The following GBE1 variants were observed in gnomAD, a reference collection of about 807,000 sequenced individuals.
GBE1 encodes the protein 1,4-alpha-glucan-branching enzyme.
A neutral mutation model predicts 88.8 loss-of-function variants in GBE1; 70 were observed. The ratio of observed to expected loss-of-function variants is 0.79; its 90% CI spans 0.65 to 0.96. The LOEUF (loss-of-function observed/expected upper bound fraction) is 0.96, where lower values mean the gene tolerates loss of function less well. Ranked by LOEUF, GBE1 falls within the 40% of genes least tolerant of loss-of-function variation. The pLI, the probability that GBE1 is intolerant of heterozygous loss-of-function variation, is 0.00. For synonymous variants in GBE1, 284 were observed against 300.1 expected (o/e 0.95, Z 0.56); for missense variants, 872 against 871.0 (o/e 1.00, Z -0.01).
intron 3 of GBE1, chr3:81,654,880 A>T (rs933583727): frequency 4.6e-5 from 7 of 152,180 alleles, no homozygotes; most frequent in Non-Finnish European, 8.8e-5. Flanking sequence ...GTACACATAA[A>T]CCCAACATAT....
intron 2 of GBE1, 26 bp from the exon 3 acceptor site, chr3:81,670,979 A>C (rs756948228): frequency 8.6e-7 from 1 of 1,164,412 alleles, no homozygotes; most frequent in Non-Finnish European, 1.2e-6. Context: ...AGATCAGTTA[A>C]CAACAGCATG....
At chr3:81,627,764 TATAAAA>T (rs773517172) in intron 7 of GBE1, among the ~76,000 whole-genome samples, 2 of 144,064 alleles carry the variant, frequency 1.4e-5, no homozygotes, top group African/African-American at 5.2e-5. Flanking sequence ...TATATATATA[TATAAAA>T]AACATATATA....
intron 3 of GBE1, 45 bp from the exon 4 acceptor site, chr3:81,649,966 C>T (rs1181516098): frequency 2.7e-6 from 4 of 1,495,324 alleles, no homozygotes; most frequent in East Asian, 4.6e-5. Context: ...ACATCCAGAA[C>T]TCTGATAATA....
chr3:81,496,109 T>C (rs1281012907), intron 15 of GBE1, among the ~76,000 whole-genome samples: 7 of 152,226 alleles, frequency 4.6e-5, no homozygotes, highest in Non-Finnish European at 8.8e-5. Context: ...GGTTAACATA[T>C]TAAGTTCCGG....
chr3:81,556,398 T>C (rs1703349355), intron 12 of GBE1, among the ~76,000 whole-genome samples: 1 of 152,046 alleles, frequency 6.6e-6, no homozygotes, highest in South Asian at 2.1e-4. Context: ...ACAACAGTTA[T>C]TGGAGTCCCT....
intron 2 of GBE1, among the ~76,000 whole-genome samples, chr3:81,702,548 A>C (rs1705715104): frequency 6.6e-6 from 1 of 151,972 alleles, no homozygotes; most frequent in Non-Finnish European, 1.5e-5. Context: ...TTATCTCTTC[A>C]ATAAAAATAA....
intron 3 of GBE1, among the ~76,000 whole-genome samples, chr3:81,669,838 T>C (rs1042325957): frequency 6.6e-6 from 1 of 152,170 alleles, no homozygotes; most frequent in Non-Finnish European, 1.5e-5. Context: ...CTTACTATTA[T>C]AATGTGTGGC....
At chr3:81,655,663 C>A (rs767940965) in intron 3 of GBE1, among the ~76,000 whole-genome samples, 7 of 152,004 alleles carry the variant, frequency 4.6e-5, no homozygotes, top group South Asian at 2.1e-4. Flanking sequence ...ATTACAGGCA[C>A]CTGCCACCAC....
At chr3:81,579,949 T>C (rs1050678910) in intron 11 of GBE1, among the ~76,000 whole-genome samples, 1 of 152,106 alleles carries the variant, frequency 6.6e-6, no homozygotes, top group Non-Finnish European at 1.5e-5. Flanking sequence ...GTGTTCCAAG[T>C]AACCTTATTT....
chr3:81,542,544 A>C (rs1198790420), intron 12 of GBE1, among the ~76,000 whole-genome samples: 1 of 152,102 alleles, frequency 6.6e-6, no homozygotes, highest in Non-Finnish European at 1.5e-5. Flanking sequence ...TATGTTTAGG[A>C]TTCTACTTTA....
At chr3:81,665,529 C>A (rs1473029443) in intron 3 of GBE1, among the ~76,000 whole-genome samples, 1 of 143,476 alleles carries the variant, frequency 7.0e-6, no homozygotes, top group East Asian at 2.0e-4. Flanking sequence ...CAGCGAGACT[C>A]CGTCTCAAAA....
chr3:81,688,492 G>A (rs897253938), intron 2 of GBE1, among the ~76,000 whole-genome samples: 8 of 152,014 alleles, frequency 5.3e-5, no homozygotes, highest in African/African-American at 1.4e-4. Flanking sequence ...CAACTGAACA[G>A]GTAATAAAGA....
intron 12 of GBE1, among the ~76,000 whole-genome samples, chr3:81,562,985 G>A (rs1428173987): frequency 1.3e-5 from 2 of 151,922 alleles, no homozygotes; most frequent in East Asian, 1.9e-4. Context: ...TCCTATTGTC[G>A]AGTTGTTCAG....
At chr3:81,520,133 C>CT (rs1411753712) in intron 14 of GBE1, among the ~76,000 whole-genome samples, 8 of 151,344 alleles carry the variant, frequency 5.3e-5, no homozygotes, top group African/African-American at 1.9e-4. Context: ...TACAACGTGC[C>CT]TTATAGTGTG....
chr3:81,593,834 A>G (rs1389554832), intron 8 of GBE1, 74 bp downstream of exon 8: 13 of 723,418 alleles, frequency 1.8e-5, no homozygotes, highest in Non-Finnish European at 2.3e-5. Flanking sequence ...GGAACTAATA[A>G]AAACCAAGAC....
At chr3:81,630,181 A>T (rs1280895572) in intron 7 of GBE1, among the ~76,000 whole-genome samples, 3 of 152,146 alleles carry the variant, frequency 2.0e-5, no homozygotes, top group Admixed American at 6.6e-5. Flanking sequence ...CTTCAAAGAG[A>T]ATAAAATACC....
At chr3:81,628,240 T>C (rs2107027296) in intron 7 of GBE1, among the ~76,000 whole-genome samples, 1 of 152,228 alleles carries the variant, frequency 6.6e-6, no homozygotes, top group Admixed American at 6.5e-5. Context: ...TTTAATTTCC[T>C]GAAATAGGGG....
intron 7 of GBE1, among the ~76,000 whole-genome samples, chr3:81,601,535 G>A (rs956492997): frequency 6.6e-6 from 1 of 152,064 alleles, no homozygotes; most frequent in African/African-American, 2.4e-5. Flanking sequence ...TTTCCACAAC[G>A]TAAAATGGAA....
chr3:81,585,057 TC>T (rs1247923725), intron 10 of GBE1, among the ~76,000 whole-genome samples: 1 of 152,156 alleles, frequency 6.6e-6, no homozygotes, highest in Admixed American at 6.6e-5. Flanking sequence ...AAGGCTACGT[TC>T]CCATGTATTA....
Sources: gnomAD v4.1 joint callset for allele counts (sites outside exome capture counted in the v4.1 genomes callset) on GRCh38, gnomAD v4.1.1 for gene constraint, MANE v1.5 for transcripts, NCBI Gene and HGNC (gene_info 2026-07-23, HGNC 2026-07-21) for gene names.